Variants in SMG6 observed in about 807,000 individuals in gnomAD.
SMG6 encodes the protein telomerase-binding protein EST1A.
Under a neutral mutation model 142.2 loss-of-function variants are expected in SMG6, and 66 were observed. That is an observed-to-expected ratio of 0.46 (90% CI 0.38 to 0.57). SMG6 has a LOEUF of 0.57. SMG6 is among the 20% of genes least tolerant of loss of function. The pLI is 0.00. For synonymous variants in SMG6, 779 were observed against 702.4 expected (o/e 1.11, Z -1.72); for missense variants, 1,793 against 1,832.0 (o/e 0.98, Z 0.39).
At chr17:2,104,824 C>A (rs1409912294) in intron 13 of SMG6, among the ~76,000 whole-genome samples, 3 of 152,042 alleles carry the variant, frequency 2.0e-5, no homozygotes, top group African/African-American at 7.2e-5. Flanking sequence ...TTGTCTTACT[C>A]CAAAGTTTGT....
rs1366459742 is a variant in SMG6, at chr17:2,065,614, G to A, written c.3901C>T (p.Arg1301Cys). The A allele has an allele frequency of 2.5e-6, 4 of 1,614,012 alleles. No homozygotes were observed. The highest frequency in any genetic ancestry group is 1.7e-6 in the Non-Finnish European group (2 of 1,180,040). ...ETDHRAGGYA[R>C]VVQEKARKSI... Reference sequence around the variant, plus strand: ...TTGCGGGCCTTCTCTTGTACCACACGGGCGTAGCCCCCAGCCCGGTGGTCT... The same window carrying A: ...TTGCGGGCCTTCTCTTGTACCACACAGGCGTAGCCCCCAGCCCGGTGGTCT... The change falls in exon 17 of 19, where the codon CGT (arginine) becomes TGT (cysteine). Residue 1301 changes from arginine to cysteine, a missense_variant. Around this residue, in one of 3 missense-constraint regions of SMG6, gnomAD observed 179 missense variants for 212.6 expected, o/e 0.84. Transcript: ENST00000263073.
intron 13 of SMG6, among the ~76,000 whole-genome samples, chr17:2,124,206 C>T (rs990366606): frequency 6.6e-6 from 1 of 152,158 alleles, no homozygotes; most frequent in African/African-American, 2.4e-5. Context: ...TTTGGTAGTG[C>T]GGTGACAGAT....
intron 12 of SMG6, among the ~76,000 whole-genome samples, chr17:2,178,877 T>C (rs2071724910): frequency 1.3e-5 from 2 of 152,200 alleles, no homozygotes; most frequent in African/African-American, 2.4e-5. Context: ...TCCAAACTTT[T>C]AGCTGTAACC....
chr17:2,240,702 T>G (rs1355313064), intron 9 of SMG6, among the ~76,000 whole-genome samples: 1 of 152,246 alleles, frequency 6.6e-6, no homozygotes, highest in Non-Finnish European at 1.5e-5. Flanking sequence ...TGCTGGGAGT[T>G]AAGAGACTTA....
chr17:2,271,123 T>G (rs906098538), intron 8 of SMG6, among the ~76,000 whole-genome samples: 13 of 150,818 alleles, frequency 8.6e-5, no homozygotes, highest in African/African-American at 2.2e-4. Flanking sequence ...CTGGTTTTTT[T>G]TTTTTTTTTT....
chr17:2,255,396 T>C (rs1488483845), intron 8 of SMG6, among the ~76,000 whole-genome samples: 1 of 78,464 alleles, frequency 1.3e-5, no homozygotes, highest in Non-Finnish European at 2.2e-5. Flanking sequence ...AGAGCGAGAC[T>C]CCGTCTCAAA....
At chr17:2,200,927 C>A (rs933985905) in intron 10 of SMG6, among the ~76,000 whole-genome samples, 5 of 152,176 alleles carry the variant, frequency 3.3e-5, no homozygotes, top group Admixed American at 3.3e-4. Context: ...CCACACCCGG[C>A]CCATTATTTA....
intron 8 of SMG6, among the ~76,000 whole-genome samples, chr17:2,265,441 C>T (rs565876685): frequency 2.0e-5 from 3 of 151,640 alleles, no homozygotes; most frequent in South Asian, 4.2e-4. Flanking sequence ...ACCTGGGAGG[C>T]GGAGGTTGCA....
chr17:2,092,304 G>C (rs561360825), intron 13 of SMG6, among the ~76,000 whole-genome samples: 1 of 152,278 alleles, frequency 6.6e-6, no homozygotes, highest in African/African-American at 2.4e-5. Context: ...TGGTTGGCCT[G>C]TGCTAGCTGA....
Position 2,076,966 on chromosome 17 carries a change from G to A in SMG6, c.3681+4844C>T, listed in dbSNP as rs567834314. Among the ~76,000 whole-genome samples, 103 of 152,208 alleles carry A rather than the reference G, an allele frequency of 6.8e-4. 1 individual carries two copies. Among genetic ancestry groups the A allele is most frequent in the Non-Finnish European group, 1.3e-3 (88 of 68,044 alleles). ...GCGCACGGGAAGTCAAGCGTTGGAG[G>A]AGACCTCCAATTCTGAAGGTGCTGC... is the stretch of plus-strand genomic sequence containing the variant. On this transcript the variant is annotated intron_variant, in intron 15 of 18. Coordinates refer to ENST00000263073, the MANE Select transcript of SMG6 (RefSeq NM_017575.5).
At chr17:2,199,389 T>C (rs1459966798) in intron 10 of SMG6, among the ~76,000 whole-genome samples, 2 of 151,880 alleles carry the variant, frequency 1.3e-5, no homozygotes, top group African/African-American at 4.8e-5. Context: ...TCCCAGCACT[T>C]TGGGAGGCTG....
chr17:2,131,836 C>T (rs1021354315), intron 13 of SMG6, among the ~76,000 whole-genome samples: 20 of 152,118 alleles, frequency 1.3e-4, no homozygotes, highest in African/African-American at 4.3e-4. Context: ...CTTTAGGAGG[C>T]CAAGGCAGGC....
chr17:2,288,988 A>G (rs894905076), intron 6 of SMG6, among the ~76,000 whole-genome samples: 2 of 150,246 alleles, frequency 1.3e-5, no homozygotes, highest in African/African-American at 4.9e-5. Flanking sequence ...CTGAGGCAGG[A>G]GAATGGCGTG....
chr17:2,111,046 G>C (rs2069301111), intron 13 of SMG6, among the ~76,000 whole-genome samples: 3 of 152,174 alleles, frequency 2.0e-5, no homozygotes. Flanking sequence ...TAAGATATCT[G>C]AGGTGTTTCA....
intron 6 of SMG6, among the ~76,000 whole-genome samples, chr17:2,291,213 C>T (rs960555358): frequency 2.6e-5 from 4 of 152,104 alleles, no homozygotes; most frequent in Non-Finnish European, 4.4e-5. Flanking sequence ...CGCCTGTAGT[C>T]CCAGCTACTC....
chr17:2,131,685 ATTAAT>A (rs1313536022), intron 13 of SMG6, among the ~76,000 whole-genome samples: 1 of 152,008 alleles, frequency 6.6e-6, no homozygotes, highest in African/African-American at 2.4e-5. Context: ...AATGCTGTAA[ATTAAT>A]TTAAAATTAA....
chr17:2,086,489 G>A (rs944537274), intron 13 of SMG6, among the ~76,000 whole-genome samples: 6 of 152,210 alleles, frequency 3.9e-5, no homozygotes, highest in African/African-American at 1.4e-4. Context: ...GAGTCAGGCA[G>A]GAAATTGTCA....
chr17:2,279,699 G>A (rs745585852), intron 8 of SMG6, among the ~76,000 whole-genome samples: 7 of 152,088 alleles, frequency 4.6e-5, no homozygotes, highest in Non-Finnish European at 7.4e-5. Context: ...ATACCAGGTG[G>A]TACTGACTGG....
At chr17:2,286,847 T>G (rs1376614955) in intron 6 of SMG6, among the ~76,000 whole-genome samples, 3 of 151,910 alleles carry the variant, frequency 2.0e-5, no homozygotes, top group African/African-American at 2.4e-5. Context: ...TGTTTGCAAA[T>G]TATGTATCTA....
Sources: gnomAD v4.1 joint callset for allele counts (sites outside exome capture counted in the v4.1 genomes callset) on GRCh38, gnomAD v4.1.1 for gene constraint, gnomAD v4.1.1 regional missense constraint, MANE v1.5 for transcripts, NCBI Gene and HGNC (gene_info 2026-07-23, HGNC 2026-07-21) for gene names.